Variants in ARHGAP10 observed in about 807,000 individuals in gnomAD.
ARHGAP10 encodes Rho GTPase activating protein 10, also known as rho GTPase-activating protein 10.
A neutral mutation model predicts 108.6 loss-of-function variants in ARHGAP10; 87 were observed. The ratio of observed to expected loss-of-function variants is 0.80; its 90% CI spans 0.67 to 0.96. ARHGAP10 has a LOEUF of 0.96. ARHGAP10 is among the 40% of genes least tolerant of loss of function. The pLI is 0.00. For missense variants in ARHGAP10, 939 were observed against 954.5 expected (o/e 0.98, Z 0.21); for synonymous variants, 347 against 341.1 (o/e 1.02, Z -0.19).
intron 18 of ARHGAP10, among the ~76,000 whole-genome samples, chr4:147,977,201 C>T (rs1478367367): frequency 6.6e-6 from 1 of 152,132 alleles, no homozygotes; most frequent in African/African-American, 2.4e-5. Flanking sequence ...CCCTATTCTT[C>T]ATTGCATTTT....
In ARHGAP10 at chr4:147,906,186, T is replaced by G. The variant is rs138684964; in HGVS notation, c.1035-452T>G. 2.0e-5 allele frequency among the ~76,000 whole-genome samples: 3 copies of G among 152,310 alleles called. No homozygotes were observed. The East Asian group carries it at 5.8e-4, about 29-fold the overall frequency. ...GAACCATTAATTCCATTTCTTGATA[T>G]ATACCTGAAAGAATTGAAAGCAGGG... On this transcript the variant is annotated intron_variant, in intron 10 of 22. Transcript: ENST00000336498.
At chr4:147,954,395 T>G (rs1431476564) in intron 15 of ARHGAP10, among the ~76,000 whole-genome samples, 10 of 152,046 alleles carry the variant, frequency 6.6e-5, no homozygotes, top group Non-Finnish European at 2.9e-5. Flanking sequence ...CTGTTAACAT[T>G]TAATATTGTT....
At chr4:147,966,519 A>G (rs1291607950) in intron 17 of ARHGAP10, among the ~76,000 whole-genome samples, 161 bp from the exon 18 acceptor site, 1 of 152,176 alleles carries the variant, frequency 6.6e-6, no homozygotes, top group Non-Finnish European at 1.5e-5. Flanking sequence ...GAGCATCTGC[A>G]TGGAGGGTTT....
At chr4:148,066,624 G>T (rs187116037) in intron 22 of ARHGAP10, among the ~76,000 whole-genome samples, 3 of 152,234 alleles carry the variant, frequency 2.0e-5, no homozygotes, top group African/African-American at 4.8e-5. Flanking sequence ...CAGTGTCTCC[G>T]TGTGTTTTGG....
At chr4:147,995,387 G>T (rs1740434085) in intron 18 of ARHGAP10, among the ~76,000 whole-genome samples, 2 of 152,108 alleles carry the variant, frequency 1.3e-5, no homozygotes, top group South Asian at 4.2e-4. Context: ...AAACAGCAAG[G>T]GTGATATTAA....
intron 13 of ARHGAP10, among the ~76,000 whole-genome samples, chr4:147,933,614 T>A (rs768019223): frequency 6.6e-6 from 1 of 152,194 alleles, no homozygotes; most frequent in Non-Finnish European, 1.5e-5. Flanking sequence ...GACTCAGAAG[T>A]TGACGTGGCT....
At chr4:147,788,378 C>T (rs943560373) in intron 1 of ARHGAP10, among the ~76,000 whole-genome samples, 9 of 151,946 alleles carry the variant, frequency 5.9e-5, no homozygotes, top group East Asian at 1.9e-4. Context: ...ACCTGGGAGA[C>T]GGAGGTTGCA....
At chr4:148,030,348 G>A (rs575795087) in intron 19 of ARHGAP10, among the ~76,000 whole-genome samples, 19 of 152,262 alleles carry the variant, frequency 1.2e-4, no homozygotes, top group Middle Eastern at 3.4e-3. Flanking sequence ...CTCTTGTGGC[G>A]TAGGAGGTAG....
chr4:147,894,658 C>A (rs1014667022), intron 10 of ARHGAP10, among the ~76,000 whole-genome samples: 1 of 152,006 alleles, frequency 6.6e-6, no homozygotes, highest in African/African-American at 2.4e-5. Flanking sequence ...TCTTTTAAAG[C>A]TTTATAATTA....
intron 15 of ARHGAP10, among the ~76,000 whole-genome samples, chr4:147,952,115 G>C (rs557456827): frequency 2.6e-5 from 4 of 152,202 alleles, no homozygotes; most frequent in Admixed American, 1.3e-4. Context: ...CTAACTAATG[G>C]ACCATTTTAT....
intron 1 of ARHGAP10, among the ~76,000 whole-genome samples, chr4:147,767,365 A>C (rs1000824957): frequency 6.7e-4 from 43 of 63,820 alleles, no homozygotes; most frequent in Non-Finnish European, 2.1e-3. Context: ...TGCAGAATTT[A>C]TCTTTTTTTT....
intron 10 of ARHGAP10, among the ~76,000 whole-genome samples, chr4:147,904,123 T>G (rs1736359643): frequency 1.3e-5 from 2 of 152,222 alleles, no homozygotes; most frequent in Non-Finnish European, 2.9e-5. Flanking sequence ...ACATTTGGTG[T>G]TGTCAGTGTT....
intron 1 of ARHGAP10, among the ~76,000 whole-genome samples, chr4:147,759,912 C>T (rs1212831597): frequency 6.6e-6 from 1 of 152,144 alleles, no homozygotes; most frequent in East Asian, 1.9e-4. Flanking sequence ...CCATGCCTGG[C>T]TAATTTTTGT....
chr4:147,987,190 G>A (rs965580424), intron 18 of ARHGAP10, among the ~76,000 whole-genome samples: 1 of 152,202 alleles, frequency 6.6e-6, no homozygotes, highest in Non-Finnish European at 1.5e-5. Flanking sequence ...CAAATGTATT[G>A]AGAATAAGCT....
chr4:147,896,557 A>G (rs1420234949), intron 10 of ARHGAP10, among the ~76,000 whole-genome samples: 1 of 151,726 alleles, frequency 6.6e-6, no homozygotes, highest in African/African-American at 2.4e-5. Flanking sequence ...TTTGTTTCAT[A>G]TTTTCTTGAT....
intron 1 of ARHGAP10, among the ~76,000 whole-genome samples, chr4:147,757,926 A>G (rs1008290810): frequency 6.6e-6 from 1 of 152,168 alleles, no homozygotes; most frequent in African/African-American, 2.4e-5. Flanking sequence ...CACCAGGGCC[A>G]GGGAGAAGAG....
intron 1 of ARHGAP10, among the ~76,000 whole-genome samples, chr4:147,771,022 A>G (rs1730055551): frequency 1.3e-5 from 2 of 152,058 alleles, no homozygotes; most frequent in African/African-American, 4.8e-5. Flanking sequence ...GTAATACTGG[A>G]TTAGGGCCCA....
chr4:148,002,393 G>C (rs539729734), intron 18 of ARHGAP10, among the ~76,000 whole-genome samples: 1 of 152,112 alleles, frequency 6.6e-6, no homozygotes, highest in Non-Finnish European at 1.5e-5. Context: ...TTGTCTCTCT[G>C]CCAGGCTTTG....
intron 15 of ARHGAP10, among the ~76,000 whole-genome samples, chr4:147,948,692 C>T (rs1560840266): frequency 6.6e-6 from 1 of 151,970 alleles, no homozygotes; most frequent in Non-Finnish European, 1.5e-5. Flanking sequence ...CGCGGTGGCT[C>T]ACGCCTGTAA....
Sources: allele counts gnomAD v4.1 joint callset (sites outside exome capture counted in the v4.1 genomes callset), GRCh38; gene constraint gnomAD v4.1.1; transcripts MANE v1.5; gene names NCBI Gene and HGNC (gene_info 2026-07-23, HGNC 2026-07-21).